REDIC1: variants seen among roughly 807,000 people sequenced by gnomAD.
REDIC1 encodes HEI10 Interacting Protein 1.
the REDIC1 span, among the ~76,000 whole-genome samples, chr12:39,702,268 C>G: frequency 1.3e-5 from 2 of 152,250 alleles, no homozygotes; most frequent in East Asian, 1.9e-4. Context: ...ACCGATCCCA[C>G]AGAAATACAA....
chr12:39,796,445 C>A, the REDIC1 span, among the ~76,000 whole-genome samples: 2 of 144,388 alleles, frequency 1.4e-5, no homozygotes, highest in South Asian at 4.5e-4. Context: ...AAAAAAAAAC[C>A]TAAACAAACA....
At chr12:39,646,819 C>T in the REDIC1 span, 1 of 1,511,610 alleles carries the variant, frequency 6.6e-7, no homozygotes, top group Non-Finnish European at 9.1e-7. Context: ...TATTTTTAAC[C>T]TAAATTTTTC....
the REDIC1 span, among the ~76,000 whole-genome samples, chr12:39,709,996 T>A: frequency 6.6e-6 from 1 of 151,804 alleles, no homozygotes; most frequent in Admixed American, 6.6e-5. Flanking sequence ...TATTTTTTGT[T>A]TTTTTCTGAC....
the REDIC1 span, among the ~76,000 whole-genome samples, chr12:39,706,398 T>G: frequency 6.6e-6 from 1 of 151,976 alleles, no homozygotes; most frequent in Non-Finnish European, 1.5e-5. Flanking sequence ...AGCAATCTAT[T>G]CAATGCAATC....
the REDIC1 span, among the ~76,000 whole-genome samples, chr12:39,712,765 G>A: frequency 9.0e-5 from 13 of 144,510 alleles, no homozygotes; most frequent in Non-Finnish European, 1.5e-4. Flanking sequence ...GTGTATATAC[G>A]TATGTATACA....
the REDIC1 span, among the ~76,000 whole-genome samples, chr12:39,816,503 A>G: frequency 6.6e-6 from 1 of 151,536 alleles, no homozygotes; most frequent in Non-Finnish European, 1.5e-5. Flanking sequence ...TGGGTGCAGC[A>G]CACCAACATG....
the REDIC1 span, among the ~76,000 whole-genome samples, chr12:39,720,410 C>G: frequency 6.6e-6 from 1 of 151,944 alleles, no homozygotes. Flanking sequence ...TTCTTCTAGT[C>G]TACTCTTTTT....
the REDIC1 span, among the ~76,000 whole-genome samples, chr12:39,673,815 T>C: frequency 1.3e-5 from 2 of 152,204 alleles, no homozygotes; most frequent in African/African-American, 4.8e-5. Context: ...TCTCTATTTC[T>C]TATCCACTGT....
the REDIC1 span, chr12:39,757,324 A>G: frequency 6.6e-6 from 1 of 151,888 alleles, no homozygotes; most frequent in South Asian, 2.1e-4. Context: ...AGGTCAAATC[A>G]CATCATATAT....
chr12:39,777,971 G>T, the REDIC1 span, among the ~76,000 whole-genome samples: 1 of 152,184 alleles, frequency 6.6e-6, no homozygotes, highest in African/African-American at 2.4e-5. Context: ...GCTACCTATG[G>T]ATGGCTAAAC....
chr12:39,876,346 T>C, the REDIC1 span, among the ~76,000 whole-genome samples: 3 of 152,192 alleles, frequency 2.0e-5, no homozygotes, highest in Non-Finnish European at 2.9e-5. Flanking sequence ...AGACTAAACA[T>C]GAATACTTCA....
the REDIC1 span, chr12:39,691,922 A>T: frequency 2.5e-6 from 2 of 788,510 alleles, no homozygotes; most frequent in Non-Finnish European, 3.6e-6. Context: ...TTAAAAATAA[A>T]CCATGTTGAA....
chr12:39,851,968 T>C, the REDIC1 span, among the ~76,000 whole-genome samples: 1 of 152,236 alleles, frequency 6.6e-6, no homozygotes, highest in South Asian at 2.1e-4. Context: ...GTCTTATATA[T>C]CTTTTATACC....
the REDIC1 span, among the ~76,000 whole-genome samples, chr12:39,652,172 G>T: frequency 3.3e-5 from 5 of 152,148 alleles, no homozygotes; most frequent in African/African-American, 1.2e-4. Flanking sequence ...TGTTTCCCCC[G>T]AGTTTTTGCC....
At chr12:39,648,478 T>C in the REDIC1 span, among the ~76,000 whole-genome samples, 1 of 151,766 alleles carries the variant, frequency 6.6e-6, no homozygotes, top group Non-Finnish European at 1.5e-5. Context: ...TATATAGAGA[T>C]GTAGTGCTAA....
chr12:39,668,614 T>C, the REDIC1 span, among the ~76,000 whole-genome samples: 1 of 152,226 alleles, frequency 6.6e-6, no homozygotes, highest in African/African-American at 2.4e-5. Flanking sequence ...CTTGCTAGAC[T>C]GGGGAGGTTC....
At chr12:39,811,188 T>C in the REDIC1 span, among the ~76,000 whole-genome samples, 89 of 152,240 alleles carry the variant, frequency 5.8e-4, 1 homozygote, top group African/African-American at 2.1e-3. Context: ...AATAGAAAGT[T>C]GGGTCTCCTT....
At chr12:39,795,589 T>C in the REDIC1 span, among the ~76,000 whole-genome samples, 2 of 152,184 alleles carry the variant, frequency 1.3e-5, no homozygotes, top group Non-Finnish European at 2.9e-5. Context: ...TTTGGACTTT[T>C]ATCTATGGAA....
chr12:39,800,233 A>T, the REDIC1 span, among the ~76,000 whole-genome samples: 53 of 152,318 alleles, frequency 3.5e-4, no homozygotes, highest in Non-Finnish European at 5.6e-4. Flanking sequence ...AAACAGAAAA[A>T]ATAATTTGTG....
Sources: gnomAD v4.1 joint callset for allele counts (sites outside exome capture counted in the v4.1 genomes callset) on GRCh38, gnomAD v4.1.1 for gene constraint, MANE v1.5 for transcripts, NCBI Gene and HGNC (gene_info 2026-07-23, HGNC 2026-07-21) for gene names.